ZC3H7B: variants seen among roughly 807,000 people sequenced by gnomAD.
ZC3H7B encodes the protein zinc finger CCCH-type containing 7B.
A neutral mutation model predicts 116.0 loss-of-function variants in ZC3H7B; 35 were observed. The ratio of observed to expected loss-of-function variants is 0.30; its 90% CI spans 0.23 to 0.40. The LOEUF is 0.40. ZC3H7B is among the 10% of genes least tolerant of loss of function. The pLI is 1.00. For synonymous variants in ZC3H7B, 502 were observed against 545.6 expected, an observed-to-expected ratio of 0.92 and a Z score of 1.11; for missense variants, 1,011 against 1,321.5, an observed-to-expected ratio of 0.77 and a Z score of 3.64.
chr22:41,349,898 C>T lies in ZC3H7B; in HGVS notation c.1948+597C>T, dbSNP rs1201869599. Reference sequence around the variant, plus strand: ...TGTATTCCATCCATTCTAGGATGCACATTTACCCCTACTGCCTGTCATCAT... The same window carrying T: ...TGTATTCCATCCATTCTAGGATGCATATTTACCCCTACTGCCTGTCATCAT... On this transcript the variant is annotated intron_variant, in intron 16 of 22. Transcript: ENST00000352645. The surrounding 1 kb of genome is among the most constrained non-coding windows in gnomAD (Gnocchi z 4.9). Among the ~76,000 whole-genome samples the T allele has an allele frequency of 1.3e-5, 2 of 152,198 alleles. No individual in the cohort carries two copies. Among genetic ancestry groups the T allele is most frequent in the Non-Finnish European group, 2.9e-5 (2 of 68,040 alleles).
intron 2 of ZC3H7B, among the ~76,000 whole-genome samples, 160 bp downstream of exon 2, chr22:41,320,873 G>A (rs940680031): frequency 6.6e-6 from 1 of 152,174 alleles, no homozygotes; most frequent in Non-Finnish European, 1.5e-5. Flanking sequence ...CCAGGAAGGG[G>A]CTGGTGTGGC....
At chr22:41,340,614 A>C (rs1257578606) in intron 10 of ZC3H7B, among the ~76,000 whole-genome samples, 2 of 152,170 alleles carry the variant, frequency 1.3e-5, no homozygotes, top group Non-Finnish European at 2.9e-5. Flanking sequence ...AGAGGGCTTA[A>C]CGGGACTGTC....
At chr22:41,347,734 T>C (rs1402777732) in intron 14 of ZC3H7B, among the ~76,000 whole-genome samples, 1 of 152,160 alleles carries the variant, frequency 6.6e-6, no homozygotes, top group Non-Finnish European at 1.5e-5. Flanking sequence ...GGAATCATAG[T>C]TCATAGCCAG....
At chr22:41,347,524 CCT>C (rs1383390763) in intron 14 of ZC3H7B, among the ~76,000 whole-genome samples, 1 of 152,218 alleles carries the variant, frequency 6.6e-6, no homozygotes, top group Non-Finnish European at 1.5e-5. Flanking sequence ...GAACTTGGCC[CCT>C]GTCTCCCCAC....
chr22:41,351,517 T>C lies in ZC3H7B; in HGVS notation c.1949-44T>C, dbSNP rs981087496. On this transcript the variant is annotated intron_variant, in intron 16 of 22. Coordinates refer to ENST00000352645, the MANE Select transcript of ZC3H7B (RefSeq NM_017590.6). This position sits in a 1 kb window ranked among gnomAD's most constrained non-coding sequence, Gnocchi z 5.1. The stretch of plus-strand genomic sequence containing the variant: ...GTGGACCCCCTGCCTCCCTCCTTGC[T>C]GAGCACCTTGAAAGATGCCTGTGTC... 1.3e-6 allele frequency: 2 copies of C among 1,580,514 alleles called. No homozygotes were observed. Among genetic ancestry groups the C allele is most frequent in the African/African-American group, 2.7e-5 (2 of 74,070 alleles).
intron 10 of ZC3H7B, among the ~76,000 whole-genome samples, chr22:41,340,438 T>G (rs1320301113): frequency 6.6e-6 from 1 of 151,802 alleles, no homozygotes; most frequent in Non-Finnish European, 1.5e-5. Flanking sequence ...ACCAGGCTGG[T>G]GAGATCCCAT....
At chr22:41,312,446 A>G (rs1032837006) in intron 1 of ZC3H7B, among the ~76,000 whole-genome samples, 1 of 150,834 alleles carries the variant, frequency 6.6e-6, no homozygotes, top group South Asian at 2.1e-4. Context: ...AATGATAATA[A>G]TAATAATAAT....
chr22:41,318,033 C>T (rs929935897), intron 1 of ZC3H7B, among the ~76,000 whole-genome samples: 2 of 151,518 alleles, frequency 1.3e-5, no homozygotes, highest in Admixed American at 6.6e-5. Context: ...TTAGTGACAA[C>T]ACATTTTTTT....
Position 41,346,106 on chromosome 22 carries a change from C to G in ZC3H7B, c.1563C>G (p.Asn521Lys). ...VWTEERKGTLNRDLLFDPLGG... is the reference protein window; with the variant it reads ...VWTEERKGTLKRDLLFDPLGG... The stretch of plus-strand genomic sequence containing the variant: ...CCGAGGAGCGGAAGGGCACCCTCAA[C>G]CGCGACCTGCTCTTCGACCCGCTGG... Residue 521 changes from asparagine (N) to lysine (K), a missense_variant, in exon 14 of 23, where the codon AAC becomes AAG. Physicochemically the swap from Asn to Lys is moderately conservative, Grantham distance 94. Around this residue, in one of 5 missense-constraint regions of ZC3H7B, gnomAD observed 179 missense variants for 178.5 expected, o/e 1.00. Coordinates refer to ENST00000352645, the MANE Select transcript of ZC3H7B (RefSeq NM_017590.6). The surrounding 1 kb of genome is among the most constrained non-coding windows in gnomAD (Gnocchi z 5.3). 6.2e-7 allele frequency: 1 copy of G among 1,613,774 alleles called. No individual in the cohort carries two copies. The highest frequency in any genetic ancestry group is 8.5e-7 in the Non-Finnish European group (1 of 1,180,020).
rs138464513 is a variant in ZC3H7B at position 41,357,324 on chromosome 22, C to T, written c.2829C>T (p.Asp943=). 2.4e-5 allele frequency: 39 copies of T among 1,613,614 alleles called. No individual in the cohort carries two copies. Among genetic ancestry groups the T allele is most frequent in the Non-Finnish European group, 3.2e-5 (38 of 1,179,988 alleles). The change falls in exon 23 of 23, where the codon GAC becomes GAT. Residue 943 remains aspartate, a synonymous_variant. Transcript: ENST00000352645. This position sits in a 1 kb window ranked among gnomAD's most constrained non-coding sequence, Gnocchi z 5.4. ...ARKDMLLCPR[D]DDFGKYNFLL... is the part of the protein sequence containing the mutation. ...AGGACATGCTGCTGTGCCCACGGGA[C>T]GACGACTTTGGCAAATACAACTTCC...
At position 41,338,311 on chromosome 22, in the gene ZC3H7B, A is replaced by C. The variant is rs756892730; in HGVS notation, c.583-2A>C. 1 of 1,613,576 alleles carries C rather than the reference A, an allele frequency of 6.2e-7. No homozygotes were observed. Among genetic ancestry groups the C allele is most frequent in the Non-Finnish European group, 8.5e-7 (1 of 1,179,836 alleles). ...AGCGCCACTGTGGCCCTCTCCCCACAGGGAACTTCTAATGGATTGGGGTCC... is the reference window on the plus strand; with the variant it reads ...AGCGCCACTGTGGCCCTCTCCCCACCGGGAACTTCTAATGGATTGGGGTCC... On this transcript the variant is annotated splice_acceptor_variant, in intron 7 of 22. Transcript: ENST00000352645. LOFTEE classifies it high-confidence loss of function. This position sits in a 1 kb window ranked among gnomAD's most constrained non-coding sequence, Gnocchi z 4.5.
chr22:41,313,446 G>A (rs1385553223), intron 1 of ZC3H7B, among the ~76,000 whole-genome samples: 5 of 152,116 alleles, frequency 3.3e-5, no homozygotes, highest in Admixed American at 1.3e-4. Context: ...CCAATCACTG[G>A]CAAGGGAAAA....
Position 41,351,810 on chromosome 22 carries a change from C to CATTTT in ZC3H7B, c.2034+190_2034+194dup, listed in dbSNP as rs71803158. ...ATGTACACATTCAGCTGTTGTGTCT[C>CATTTT]ATTTTATTTTATTTTATTTTATTTT... is the stretch of plus-strand genomic sequence containing the variant. On this transcript the variant is annotated intron_variant, in intron 17 of 22. Transcript: ENST00000352645. This position sits in a 1 kb window ranked among gnomAD's most constrained non-coding sequence, Gnocchi z 5.1. 1.0e-3 allele frequency among the ~76,000 whole-genome samples: 151 copies of CATTTT among 150,648 alleles called. 1 individual carries two copies. Among genetic ancestry groups the CATTTT allele is most frequent in the Admixed American group, 2.6e-3 (40 of 15,098 alleles).
At chr22:41,313,981 C>T (rs1195211307) in intron 1 of ZC3H7B, among the ~76,000 whole-genome samples, 1 of 151,560 alleles carries the variant, frequency 6.6e-6, no homozygotes, top group African/African-American at 2.4e-5. Flanking sequence ...TGTTGAACTC[C>T]TGACCTCAGG....
In ZC3H7B at chr22:41,352,702, C is replaced by T. The variant is rs370948158; in HGVS notation, c.2034+1056C>T. 2.0e-4 allele frequency among the ~76,000 whole-genome samples: 31 copies of T among 151,586 alleles called. No individual in the cohort carries two copies. In the East Asian group the frequency reaches 4.5e-3, roughly 22 times the overall value. ...GTGTGAACCCGGGAGGTGGAGGTTG[C>T]AGTGAGCTGAGATCACGCTGTTGCA... On this transcript the variant is annotated intron_variant, in intron 17 of 22. Transcript: ENST00000352645.
intron 1 of ZC3H7B, among the ~76,000 whole-genome samples, chr22:41,305,466 C>T (rs934477090): frequency 1.3e-5 from 2 of 151,940 alleles, no homozygotes; most frequent in Non-Finnish European, 2.9e-5. Flanking sequence ...GCCAAGATCA[C>T]GCCACTGCAC....
In ZC3H7B at chr22:41,357,127, G is replaced by A. The variant is rs1257865598; in HGVS notation, c.2682-50G>A. The stretch of plus-strand genomic sequence containing the variant: ...GCGGCCGGCCCCAGATGGACAGCCT[G>A]GGGTGGGAAGGGCACAGAGCTCGGG... On this transcript the variant is annotated intron_variant, in intron 22 of 22. Coordinates refer to ENST00000352645, the MANE Select transcript of ZC3H7B (RefSeq NM_017590.6). The surrounding 1 kb of genome is among the most constrained non-coding windows in gnomAD (Gnocchi z 5.4). 1.9e-6 allele frequency: 3 copies of A among 1,598,636 alleles called. No homozygotes were observed. Among genetic ancestry groups the A allele is most frequent in the South Asian group, 1.1e-5 (1 of 90,408 alleles).
chr22:41,352,274 C>T lies in ZC3H7B; in HGVS notation c.2034+628C>T, dbSNP rs375044077. The stretch of plus-strand genomic sequence containing the variant: ...TTTCCTCATTCCACAGAGGTGATGT[C>T]GTGTTCTCAGCTCACACATCAGGGG... On this transcript the variant is annotated intron_variant, in intron 17 of 22. Transcript: ENST00000352645. Among the ~76,000 whole-genome samples the T allele has an allele frequency of 7.2e-4, 110 of 152,282 alleles. 4 individuals are homozygous for T. In the South Asian group the frequency reaches 0.022, roughly 30 times the overall value.
chr22:41,312,179 C>T (rs1404370609), intron 1 of ZC3H7B, among the ~76,000 whole-genome samples: 1 of 143,434 alleles, frequency 7.0e-6, no homozygotes, highest in South Asian at 2.2e-4. Flanking sequence ...AAAAAAAATA[C>T]ATCCTAGCTC....
Sources: gnomAD v4.1 joint callset for allele counts (sites outside exome capture counted in the v4.1 genomes callset) on GRCh38, gnomAD v4.1.1 for gene constraint, gnomAD v4.1.1 regional missense constraint, Gnocchi (gnomAD v3.1) non-coding constraint, MANE v1.5 for transcripts, NCBI Gene and HGNC (gene_info 2026-07-23, HGNC 2026-07-21) for gene names.